Variants in DDAH1 observed in about 807,000 individuals in gnomAD.
The protein encoded by DDAH1 is dimethylarginine dimethylaminohydrolase 1.
Under a neutral mutation model 28.8 loss-of-function variants are expected in DDAH1, and 19 were observed. That is an observed-to-expected ratio of 0.66 (90% CI 0.46 to 0.97). DDAH1 has a LOEUF of 0.97. Among genes scored for constraint, DDAH1 ranks in the 50% least tolerant of loss-of-function variants. The pLI is 0.00. For synonymous variants in DDAH1, 153 were observed against 154.4 expected, an observed-to-expected ratio of 0.99 and a Z score of 0.07; for missense variants, 326 against 375.9, an observed-to-expected ratio of 0.87 and a Z score of 1.10.
chr1:85,450,574 T>A (rs934258197), intron 1 of DDAH1, among the ~76,000 whole-genome samples: 1 of 152,222 alleles, frequency 6.6e-6, no homozygotes, highest in African/African-American at 2.4e-5. Context: ...ATACGTACAA[T>A]CCTTCACTCA....
intron 1 of DDAH1, among the ~76,000 whole-genome samples, chr1:85,414,014 T>C (rs1196053828): frequency 2.0e-5 from 3 of 152,236 alleles, no homozygotes; most frequent in Non-Finnish European, 4.4e-5. Context: ...ATGACATTTA[T>C]TGTATGCTTA....
chr1:85,477,137 A>G (rs769774209), intron 2 of DDAH1, among the ~76,000 whole-genome samples: 4 of 152,162 alleles, frequency 2.6e-5, no homozygotes, highest in Non-Finnish European at 4.4e-5. Flanking sequence ...AGTGGAGAGA[A>G]ATTACCAAAC....
In DDAH1 at chr1:85,465,085, G is replaced by A; in HGVS notation, c.-40C>T. 2.5e-6 allele frequency: 3 copies of A among 1,214,690 alleles called. No homozygotes were observed. The highest frequency in any genetic ancestry group is 3.2e-4 in the Middle Eastern group (1 of 3,088). The allele number at this position is 1,214,690 out of a possible 1,614,324, so 75.2% of individuals were successfully genotyped here. A position where few individuals can be genotyped will look rare whatever the true frequency, so the allele number is the denominator to read the frequency against. ...TAGGGGCGGCGGCGGCGGCGGAGGC[G>A]GCCGGGTCCTGCCGCGGGCAGCGCG... On this transcript the variant is annotated 5_prime_UTR_variant, in exon 1 of 6. Transcript: ENST00000284031.
At position 85,556,017 on chromosome 1, in the gene DDAH1, C is replaced by T. The variant is rs531305160; in HGVS notation, c.-123+21967G>A. The stretch of plus-strand genomic sequence containing the variant: ...ATTTCTGCAACACAGATATGAGTGG[C>T]GGGTAGAACAGAAGGCACGAACAGG... On this transcript the variant is annotated intron_variant, in intron 1 of 6. Transcript: ENST00000426972. 4.6e-5 allele frequency among the ~76,000 whole-genome samples: 7 copies of T among 152,192 alleles called. No individual in the cohort carries two copies. The East Asian group carries it at 7.7e-4, about 17-fold the overall frequency.
chr1:85,513,274 G>C (rs1657312769), intron 1 of DDAH1, among the ~76,000 whole-genome samples: 1 of 152,182 alleles, frequency 6.6e-6, no homozygotes, highest in Non-Finnish European at 1.5e-5. Context: ...TTAATAAATG[G>C]TGCTGGGGAA....
At chr1:85,553,423 T>C (rs1557755342) in intron 1 of DDAH1, among the ~76,000 whole-genome samples, 2 of 152,246 alleles carry the variant, frequency 1.3e-5, no homozygotes, top group Admixed American at 6.5e-5. Context: ...AAAATCACTG[T>C]TCAAGATTAA....
rs1266777480 is a variant in DDAH1 at position 85,324,757 on chromosome 1, A to C, written c.724T>G (p.Tyr242Asp). 1.9e-6 allele frequency: 3 copies of C among 1,613,730 alleles called. No individual in the cohort carries two copies. In the East Asian group the frequency reaches 6.7e-5, roughly 36 times the overall value. ...TTTTTTACCTTTGCACTTTCTGGAT[A>C]CTCTTCCGGGGTTCGGTGCAGCAAG... Reference protein sequence around the residue: ...HVLLHRTPEEYPESAKVYEKL... With the variant: ...HVLLHRTPEEDPESAKVYEKL... The change falls in exon 5 of 6, where the codon TAT (tyrosine) becomes GAT (aspartate). Residue 242 changes from tyrosine to aspartate, a missense_variant. Tyr to Asp is a radical substitution (Grantham distance 160). Coordinates refer to ENST00000284031, the MANE Select transcript of DDAH1 (RefSeq NM_012137.4).
intron 1 of DDAH1, among the ~76,000 whole-genome samples, chr1:85,456,635 C>T (rs1051952448): frequency 1.1e-4 from 16 of 152,310 alleles, no homozygotes; most frequent in Admixed American, 6.5e-4. Context: ...CTACAACGTG[C>T]GGTAGGTTAC....
chr1:85,535,129 C>T (rs1335053935), intron 1 of DDAH1, among the ~76,000 whole-genome samples: 5 of 152,024 alleles, frequency 3.3e-5, no homozygotes, highest in Non-Finnish European at 7.4e-5. Flanking sequence ...TTAGTGATAC[C>T]ATTACGTAAT....
At chr1:85,565,310 C>A (rs1165477535) in intron 1 of DDAH1, among the ~76,000 whole-genome samples, 1 of 152,106 alleles carries the variant, frequency 6.6e-6, no homozygotes, top group African/African-American at 2.4e-5. Context: ...GAAAATACTG[C>A]CAACCTAGAA....
chr1:85,465,902 A>T (rs1482930107), upstream of DDAH1, among the ~76,000 whole-genome samples: 1 of 152,170 alleles, frequency 6.6e-6, no homozygotes, highest in African/African-American at 2.4e-5. Flanking sequence ...TTTTAAAATC[A>T]TAGTATCCGG....
chr1:85,339,238 T>C (rs1275082511), intron 4 of DDAH1, among the ~76,000 whole-genome samples: 1 of 152,112 alleles, frequency 6.6e-6, no homozygotes, highest in Non-Finnish European at 1.5e-5. Flanking sequence ...TTCATTTAGC[T>C]CCTAATTGTT....
At chr1:85,575,952 C>T (rs976687068) in intron 1 of DDAH1, 7 of 151,824 alleles carry the variant, frequency 4.6e-5, no homozygotes, top group South Asian at 2.1e-4. Flanking sequence ...AGGAGATATA[C>T]CTAATGTTAA....
At chr1:85,455,866 T>A (rs752444107) in intron 1 of DDAH1, among the ~76,000 whole-genome samples, 4 of 152,228 alleles carry the variant, frequency 2.6e-5, no homozygotes, top group Non-Finnish European at 5.9e-5. Flanking sequence ...CAAATTCAAC[T>A]GCATCTCATA....
chr1:85,415,247 C>A (rs1301800958), intron 1 of DDAH1, among the ~76,000 whole-genome samples: 1 of 152,076 alleles, frequency 6.6e-6, no homozygotes, highest in Non-Finnish European at 1.5e-5. Flanking sequence ...AACTCCTGAC[C>A]TCGTGATCCA....
At chr1:85,332,314 C>T (rs1323605838) in intron 4 of DDAH1, among the ~76,000 whole-genome samples, 3 of 152,178 alleles carry the variant, frequency 2.0e-5, no homozygotes, top group Non-Finnish European at 4.4e-5. Context: ...CTAGCCCACA[C>T]ATTGTACTGC....
intron 1 of DDAH1, among the ~76,000 whole-genome samples, chr1:85,421,586 C>T (rs1170597412): frequency 6.6e-6 from 1 of 152,024 alleles, no homozygotes; most frequent in Non-Finnish European, 1.5e-5. Context: ...CCACAAAATC[C>T]CCTGTGCTTT....
intron 1 of DDAH1, among the ~76,000 whole-genome samples, chr1:85,551,508 G>T (rs1444112690): frequency 6.6e-6 from 1 of 152,166 alleles, no homozygotes; most frequent in Non-Finnish European, 1.5e-5. Flanking sequence ...CAGAAACACA[G>T]ACCAATATGA....
At chr1:85,540,709 G>A (rs1394478325) in intron 1 of DDAH1, among the ~76,000 whole-genome samples, 1 of 152,078 alleles carries the variant, frequency 6.6e-6, no homozygotes, top group African/African-American at 2.4e-5. Context: ...TGTAATCCCA[G>A]CACTTTGGGA....
Sources: allele counts gnomAD v4.1 joint callset (sites outside exome capture counted in the v4.1 genomes callset), GRCh38; gene constraint gnomAD v4.1.1; transcripts MANE v1.5; gene names NCBI Gene and HGNC (gene_info 2026-07-23, HGNC 2026-07-21).